The following PLAGL1 variants were observed in gnomAD, a reference collection of about 807,000 sequenced individuals.
PLAGL1 encodes the protein PLAG1 like zinc finger 1.
PLAGL1 carries 1 observed loss-of-function variant against 4.6 expected under a neutral mutation model. That is an observed-to-expected ratio of 0.22 (90% confidence interval 0.08 to 1.03). The LOEUF (loss-of-function observed/expected upper bound fraction) is 1.03. PLAGL1 is among the 50% of genes least tolerant of loss of function. The pLI, the probability that PLAGL1 is intolerant of heterozygous loss-of-function variation, is 0.58. For missense variants in PLAGL1, 464 were observed against 570.4 expected (o/e 0.81, Z 1.90); for synonymous variants, 240 against 237.8 (o/e 1.01, Z -0.08).
At chr6:144,054,695 G>A (rs1798819904) in intron 1 of PLAGL1, among the ~76,000 whole-genome samples, 1 of 151,370 alleles carries the variant, frequency 6.6e-6, no homozygotes, top group Non-Finnish European at 1.5e-5. Context: ...GCAAACCATG[G>A]CACACATATA....
At chr6:144,029,511 C>A (rs546549718) in intron 1 of PLAGL1, among the ~76,000 whole-genome samples, 1 of 152,158 alleles carries the variant, frequency 6.6e-6, no homozygotes, top group Non-Finnish European at 1.5e-5. Flanking sequence ...CAGCTCATTT[C>A]GTGAAGAATA....
intron 1 of PLAGL1, among the ~76,000 whole-genome samples, chr6:144,019,805 G>T (rs1795843490): frequency 6.9e-6 from 1 of 144,298 alleles, no homozygotes; most frequent in Non-Finnish European, 1.5e-5. Context: ...AAAAAAAAAG[G>T]AAAACCCTCC....
intron 2 of PLAGL1, among the ~76,000 whole-genome samples, chr6:143,969,607 G>A: frequency 6.6e-6 from 1 of 151,160 alleles, no homozygotes; most frequent in African/African-American, 2.4e-5. Context: ...CAACATAGCA[G>A]GACTCAATCT....
chr6:144,029,159 T>C (rs1380230073), intron 1 of PLAGL1, among the ~76,000 whole-genome samples: 1 of 152,228 alleles, frequency 6.6e-6, no homozygotes. Flanking sequence ...TTCTATATTA[T>C]CTTTTTTAAT....
chr6:144,030,901 T>C (rs1048228518), intron 1 of PLAGL1, among the ~76,000 whole-genome samples: 25 of 152,320 alleles, frequency 1.6e-4, no homozygotes, highest in Admixed American at 1.3e-3. Flanking sequence ...TTAGTTCAAA[T>C]GGTAGATCTA....
At chr6:143,986,709 T>C (rs1789251819) in intron 1 of PLAGL1, among the ~76,000 whole-genome samples, 1 of 152,244 alleles carries the variant, frequency 6.6e-6, no homozygotes, top group Admixed American at 6.5e-5. Flanking sequence ...TGAGGACTAA[T>C]ATTCTCTTCT....
intron 1 of PLAGL1, among the ~76,000 whole-genome samples, chr6:144,044,965 G>A (rs1332080967): frequency 1.9e-3 from 240 of 129,094 alleles, no homozygotes; most frequent in East Asian, 7.6e-4. Context: ...TTGGTTTAAA[G>A]TCTGTTTTAT....
chr6:144,001,686 G>T (rs73006267), intron 1 of PLAGL1, among the ~76,000 whole-genome samples: 11,453 of 152,106 alleles, frequency 0.075, 446 homozygotes, highest in Middle Eastern at 0.11. Flanking sequence ...AAGAAACCTT[G>T]CCAGACACCA....
rs1352932439 is a variant in PLAGL1 at position 143,983,745 on chromosome 6, T to C, written c.-544+1390A>G. Among the ~76,000 whole-genome samples the C allele has an allele frequency of 6.6e-6, 1 of 152,004 alleles. No individual in the cohort carries two copies. The highest frequency in any genetic ancestry group is 6.6e-5 in the Admixed American group (1 of 15,250). On this transcript the variant is annotated intron_variant, in intron 2 of 7. Coordinates refer to ENST00000674357, the MANE Select transcript of PLAGL1 (RefSeq NM_001317162.2). This position sits in a 1 kb window ranked among gnomAD's most constrained non-coding sequence, Gnocchi z 6.6. ...GAAGTGTGCTGCAGTGTAAAAGTTG[T>C]ATGTCTAGGTGGAGTTAAAAATGTG... is the stretch of plus-strand genomic sequence containing the variant.
At position 143,964,344 on chromosome 6, in the gene PLAGL1, A is replaced by G. The variant is rs924692015; in HGVS notation, c.-399+443T>C. Among the ~76,000 whole-genome samples the G allele has an allele frequency of 6.6e-6, 1 of 152,198 alleles. No individual in the cohort carries two copies. Among genetic ancestry groups the G allele is most frequent in the Admixed American group, 6.5e-5 (1 of 15,286 alleles). ...GTGGGTTCCTCATCTTCCAGAGGCCATGAAAATCTCCAGGTCCTAGGACAC... is the reference window on the plus strand; with the variant it reads ...GTGGGTTCCTCATCTTCCAGAGGCCGTGAAAATCTCCAGGTCCTAGGACAC... On this transcript the variant is annotated intron_variant, in intron 5 of 7. Transcript: ENST00000674357. This position sits in a 1 kb window ranked among gnomAD's most constrained non-coding sequence, Gnocchi z 4.3.
Position 143,989,780 on chromosome 6 carries a change from C to A in PLAGL1, c.-583-4606G>T, listed in dbSNP as rs75114848. On this transcript the variant is annotated intron_variant, in intron 1 of 7. Transcript: ENST00000674357. The surrounding 1 kb of genome is among the most constrained non-coding windows in gnomAD (Gnocchi z 4.8). ...AAATTCACTTGGGTTCTAGAAACTG[C>A]CCAACAATTATGCAACATTTCCCTA... Among the ~76,000 whole-genome samples, 494 of 152,306 alleles carry A rather than the reference C, an allele frequency of 3.2e-3. 1 individual carries two copies. The highest frequency in any genetic ancestry group is 6.0e-3 in the Non-Finnish European group (408 of 68,028).
In PLAGL1 at chr6:144,059,402, C is replaced by T. The variant is rs1470645974; in HGVS notation, c.-151+5066G>A. On this transcript the variant is annotated intron_variant, in intron 1 of 3. Transcript: ENST00000437412. The surrounding 1 kb of genome is among the most constrained non-coding windows in gnomAD (Gnocchi z 4.9). ...CAGACCTACAGGTCTTGCTAAGGTT[C>T]CTCCACCAACTGGGCAGGATTCAGG... Among the ~76,000 whole-genome samples the T allele has an allele frequency of 6.6e-6, 1 of 152,186 alleles. No homozygotes were observed. Among genetic ancestry groups the T allele is most frequent in the Non-Finnish European group, 1.5e-5 (1 of 68,042 alleles).
At chr6:144,045,000 C>CTTT (rs138373370) in intron 1 of PLAGL1, among the ~76,000 whole-genome samples, 1,183 of 47,326 alleles carry the variant, frequency 0.025, 152 homozygotes, top group African/African-American at 0.096. Flanking sequence ...GCAACCCCTG[C>CTTT]TTTTTTTTTT....
rs58569870 is a variant in PLAGL1, at chr6:143,976,285, C to CTTTTTT, written c.-543-7313_-543-7308dup. On this transcript the variant is annotated intron_variant, in intron 2 of 7. Coordinates refer to ENST00000674357, the MANE Select transcript of PLAGL1 (RefSeq NM_001317162.2). ...CGCCCTTGAGCCTGAGATTTCTTTT[C>CTTTTTT]TTTTTTTTTTTTTTTTTGGTGAATT... 3.3e-4 allele frequency among the ~76,000 whole-genome samples: 37 copies of CTTTTTT among 113,248 alleles called. 3 individuals are homozygous for CTTTTTT. Among genetic ancestry groups the CTTTTTT allele is most frequent in the East Asian group, 7.6e-4 (3 of 3,934 alleles). 74.3% of individuals were successfully genotyped at this position (113,248 alleles called of 152,430 possible). A position where few individuals can be genotyped will look rare whatever the true frequency, so the allele number is the denominator to read the frequency against.
At chr6:144,044,439 A>G (rs779540033) in intron 1 of PLAGL1, among the ~76,000 whole-genome samples, 4 of 152,170 alleles carry the variant, frequency 2.6e-5, no homozygotes, top group Non-Finnish European at 2.9e-5. Flanking sequence ...TTATTCACCC[A>G]GTAGTCATTC....
chr6:143,944,127 T>G (rs1779234181), intron 7 of PLAGL1, among the ~76,000 whole-genome samples: 1 of 152,258 alleles, frequency 6.6e-6, no homozygotes, highest in Non-Finnish European at 1.5e-5. Context: ...TAAGTGCAGT[T>G]GTACCCTGTG....
Position 143,956,715 on chromosome 6 carries a change from G to T in PLAGL1, c.-325+3754C>A, listed in dbSNP as rs114320209. On this transcript the variant is annotated intron_variant, in intron 6 of 7. Coordinates refer to ENST00000674357, the MANE Select transcript of PLAGL1 (RefSeq NM_001317162.2). ...ATCTACATGGAGATGGAGTGAGGTGGTAGAGGTAGAGGATGCCAATAAAAC... is the reference window on the plus strand; with the variant it reads ...ATCTACATGGAGATGGAGTGAGGTGTTAGAGGTAGAGGATGCCAATAAAAC... 1.5e-3 allele frequency among the ~76,000 whole-genome samples: 227 copies of T among 152,322 alleles called. 1 individual carries two copies. Among genetic ancestry groups the T allele is most frequent in the African/African-American group, 5.0e-3 (206 of 41,564 alleles).
intron 2 of PLAGL1, among the ~76,000 whole-genome samples, chr6:143,980,831 G>T (rs554979851): frequency 4.7e-4 from 71 of 152,230 alleles, no homozygotes; most frequent in African/African-American, 1.7e-3. Context: ...CTTGAGCTTT[G>T]TTCTGGGATA....
intron 1 of PLAGL1, chr6:144,007,345 CGGGAG>C (rs1382325128): frequency 2.0e-5 from 3 of 152,040 alleles, no homozygotes; most frequent in African/African-American, 7.2e-5. Context: ...AGAAAGCACC[CGGGAG>C]GGGCCTCCGA....
Sources: gnomAD v4.1 joint callset for allele counts (sites outside exome capture counted in the v4.1 genomes callset) on GRCh38, gnomAD v4.1.1 for gene constraint, Gnocchi (gnomAD v3.1) non-coding constraint, MANE v1.5 for transcripts, NCBI Gene and HGNC (gene_info 2026-07-23, HGNC 2026-07-21) for gene names.